POU6F2: variants seen among roughly 807,000 people sequenced by gnomAD.
The protein encoded by POU6F2 is POU domain, class 6, transcription factor 2.
Under a neutral mutation model 71.3 loss-of-function variants are expected in POU6F2, and 31 were observed. The ratio of observed to expected loss-of-function variants is 0.43; its 90% CI spans 0.33 to 0.59. POU6F2 has a LOEUF of 0.59. Ranked by LOEUF, POU6F2 falls within the 20% of genes least tolerant of loss-of-function variation. POU6F2 has a pLI of 0.04. For missense variants in POU6F2, 783 were observed against 856.8 expected, an observed-to-expected ratio of 0.91 and a Z score of 1.07; for synonymous variants, 347 against 355.7, an observed-to-expected ratio of 0.98 and a Z score of 0.27.
chr7:39,191,528 A>T (rs1376583658), intron 2 of POU6F2, among the ~76,000 whole-genome samples: 1 of 152,210 alleles, frequency 6.6e-6, no homozygotes, highest in Non-Finnish European at 1.5e-5. Flanking sequence ...ATATTTACAT[A>T]AGATGAGCTC....
At chr7:39,034,606 A>G in intron 1 of POU6F2, 1 of 259,412 alleles carries the variant, frequency 3.9e-6, no homozygotes, top group Non-Finnish European at 8.4e-6. Flanking sequence ...GACCAAAATG[A>G]GTCCTGAGTT....
At chr7:39,416,401 G>T (rs1036851002) in intron 6 of POU6F2, among the ~76,000 whole-genome samples, 1 of 152,126 alleles carries the variant, frequency 6.6e-6, no homozygotes, top group African/African-American at 2.4e-5. Flanking sequence ...TGAGTGCTTC[G>T]TATGGGCACT....
chr7:38,995,728 G>A (rs1026226795), intron 1 of POU6F2, among the ~76,000 whole-genome samples: 4 of 152,160 alleles, frequency 2.6e-5, no homozygotes, highest in Non-Finnish European at 5.9e-5. Flanking sequence ...GCTCCTCTGT[G>A]TTTCAGTTCT....
chr7:39,449,303 A>G (rs920199155), intron 7 of POU6F2, among the ~76,000 whole-genome samples: 1 of 152,238 alleles, frequency 6.6e-6, no homozygotes, highest in Non-Finnish European at 1.5e-5. Context: ...TAGGGGAGCC[A>G]TTATTAATTA....
chr7:39,158,728 C>T (rs1792926919), intron 2 of POU6F2, among the ~76,000 whole-genome samples: 1 of 152,148 alleles, frequency 6.6e-6, no homozygotes, highest in Non-Finnish European at 1.5e-5. Flanking sequence ...GGATGGTGCC[C>T]ACCCACATTG....
intron 1 of POU6F2, among the ~76,000 whole-genome samples, chr7:39,079,180 C>CTTTTTTTTTT (rs1162865518): frequency 1.3e-5 from 1 of 79,306 alleles, no homozygotes; most frequent in Non-Finnish European, 2.2e-5. Flanking sequence ...CTCACAATAT[C>CTTTTTTTTTT]TTTTTTTTTT....
chr7:39,229,588 C>G (rs1472462311), intron 4 of POU6F2, among the ~76,000 whole-genome samples: 2 of 152,200 alleles, frequency 1.3e-5, no homozygotes, highest in Non-Finnish European at 2.9e-5. Flanking sequence ...ACCTCCTCCC[C>G]CTCATACCCT....
chr7:39,431,723 G>A (rs1014601084), intron 6 of POU6F2, among the ~76,000 whole-genome samples: 1 of 152,232 alleles, frequency 6.6e-6, no homozygotes, highest in Admixed American at 6.5e-5. Context: ...CAGCTGAGTT[G>A]CTTGGCCTCC....
chr7:39,107,275 G>A (rs1791710708), intron 2 of POU6F2, among the ~76,000 whole-genome samples: 1 of 151,664 alleles, frequency 6.6e-6, no homozygotes, highest in Non-Finnish European at 1.5e-5. Context: ...CAATTCCTGG[G>A]CTCAAATGAT....
chr7:39,034,435 G>A (rs1391062169), intron 1 of POU6F2: 3 of 399,526 alleles, frequency 7.5e-6, no homozygotes, highest in African/African-American at 2.0e-5. Context: ...AAGTGTTCTC[G>A]GCAGGAGCAG....
At chr7:39,252,773 G>A (rs73380927) in intron 4 of POU6F2, among the ~76,000 whole-genome samples, 2,753 of 152,144 alleles carry the variant, frequency 0.018, 73 homozygotes, top group African/African-American at 0.063. Context: ...CCAGAGGTCC[G>A]CTCATGGCAT....
intron 4 of POU6F2, among the ~76,000 whole-genome samples, chr7:39,291,947 T>A (rs1338729747): frequency 2.0e-5 from 2 of 99,878 alleles, no homozygotes; most frequent in Non-Finnish European, 4.2e-5. Flanking sequence ...TCCCTTTACC[T>A]TTTTTTTTTT....
intron 1 of POU6F2, among the ~76,000 whole-genome samples, chr7:38,999,812 C>G (rs1165340651): frequency 6.6e-6 from 1 of 151,980 alleles, no homozygotes; most frequent in Non-Finnish European, 1.5e-5. Flanking sequence ...TTTGTTGGGG[C>G]GTACCATTTA....
At position 39,085,997 on chromosome 7, in the gene POU6F2, A is replaced by G; in HGVS notation, c.243A>G (p.Ser81=). ...AGCCCCTGCTTGCGCCTGTGGAATC[A>G]AATGACAGCGAGGACACTCCCAGCA... ...LNEPLLAPVE[S]NDSEDTPSKL... is the part of the protein sequence containing the mutation. Residue 81 remains serine, a synonymous_variant, in exon 2 of 10, where the codon TCA becomes TCG. Transcript: ENST00000518318. The G allele has an allele frequency of 6.2e-7, 1 of 1,613,780 alleles. No homozygotes were observed. The highest frequency in any genetic ancestry group is 8.5e-7 in the Non-Finnish European group (1 of 1,179,786).
intron 5 of POU6F2, 89 bp from the exon 6 acceptor site, chr7:39,406,511 A>C: frequency 6.7e-7 from 1 of 1,486,880 alleles, no homozygotes; most frequent in East Asian, 2.3e-5. Flanking sequence ...AATTGAGGCG[A>C]GAACTACCTC....
intron 1 of POU6F2, among the ~76,000 whole-genome samples, chr7:39,026,121 G>A (rs550644967): frequency 9.2e-5 from 14 of 152,094 alleles, no homozygotes; most frequent in African/African-American, 2.9e-4. Context: ...AGAGGATGTG[G>A]AGAAATAGGA....
rs1210518454 is a variant in POU6F2, at chr7:39,462,245, G to T, written c.1658+1530G>T. Among the ~76,000 whole-genome samples the T allele has an allele frequency of 7.2e-5, 11 of 152,198 alleles. No individual in the cohort carries two copies. The East Asian group carries it at 2.1e-3, about 29-fold the overall frequency. Reference sequence around the variant, plus strand: ...AATGTGGAGACTTTGGGAATTTCTAGTATAATAGAACATGTCTGATGCCTT... The same window carrying T: ...AATGTGGAGACTTTGGGAATTTCTATTATAATAGAACATGTCTGATGCCTT... On this transcript the variant is annotated intron_variant, in intron 9 of 9. Coordinates refer to ENST00000518318, the MANE Select transcript of POU6F2 (RefSeq NM_001370959.1).
intron 8 of POU6F2, among the ~76,000 whole-genome samples, chr7:39,452,165 G>GGT (rs1045954040): frequency 6.6e-6 from 1 of 152,132 alleles, no homozygotes; most frequent in Non-Finnish European, 1.5e-5. Context: ...TGGGCGGGTG[G>GGT]GTGTGTGTGT....
intron 2 of POU6F2, among the ~76,000 whole-genome samples, chr7:39,102,474 T>A (rs1373864514): frequency 6.6e-6 from 1 of 152,158 alleles, no homozygotes; most frequent in Non-Finnish European, 1.5e-5. Flanking sequence ...CTTGCATATA[T>A]TAAGTGCCAG....
Sources: gnomAD v4.1 joint callset for allele counts (sites outside exome capture counted in the v4.1 genomes callset) on GRCh38, gnomAD v4.1.1 for gene constraint, MANE v1.5 for transcripts, NCBI Gene and HGNC (gene_info 2026-07-23, HGNC 2026-07-21) for gene names.